POLE4: variants seen among roughly 807,000 people sequenced by gnomAD.
The protein encoded by POLE4 is DNA polymerase epsilon 4, accessory subunit.
Under a neutral mutation model 15.6 loss-of-function variants are expected in POLE4, and 15 were observed. The ratio of observed to expected loss-of-function variants is 0.96; its 90% CI spans 0.64 to 1.48. The LOEUF (loss-of-function observed/expected upper bound fraction) is 1.48, where lower values mean the gene tolerates loss of function less well. Among genes scored for constraint, POLE4 ranks in the 40% most tolerant of loss-of-function variants. The probability of loss-of-function intolerance (pLI) is 0.00; values close to 1 mark genes in which losing one functional copy is unlikely to be tolerated. For synonymous variants in POLE4, 83 were observed against 63.2 expected, an observed-to-expected ratio of 1.31 and a Z score of -1.49; for missense variants, 205 against 151.9, an observed-to-expected ratio of 1.35 and a Z score of -1.84.
chr2:74,969,090 G>A (rs561485901), intron 3 of POLE4, among the ~76,000 whole-genome samples: 13 of 152,242 alleles, frequency 8.5e-5, no homozygotes, highest in Non-Finnish European at 1.3e-4. Context: ...TAATTAGAGA[G>A]TTTACCTCAT....
Position 74,965,240 on chromosome 2 carries a change from C to T in POLE4, c.341-4169C>T, listed in dbSNP as rs140507524. ...TCTCGAGTAGCTGGGATTACAGGCT[C>T]GCACCACCACACCCCAATAATTTTT... On this transcript the variant is annotated intron_variant, in intron 3 of 3. Coordinates refer to ENST00000483063, the MANE Select transcript of POLE4 (RefSeq NM_019896.4). 1.3e-3 allele frequency among the ~76,000 whole-genome samples: 198 copies of T among 151,702 alleles called. 1 individual carries two copies. The highest frequency in any genetic ancestry group is 4.4e-3 in the African/African-American group (184 of 41,350).
intron 2 of POLE4, chr2:74,959,861 GA>G (rs1671190456): frequency 2.0e-6 from 1 of 502,802 alleles, no homozygotes; most frequent in East Asian, 3.1e-5. Context: ...GGTAATTTAG[GA>G]GGCCCCCAAC....
At chr2:74,964,847 G>T (rs1671273785) in intron 3 of POLE4, among the ~76,000 whole-genome samples, 1 of 151,372 alleles carries the variant, frequency 6.6e-6, no homozygotes, top group African/African-American at 2.4e-5. Context: ...TTTTTTTCTT[G>T]CCCTACTGAA....
chr2:74,969,461 C>G lies in POLE4; in HGVS notation c.*39C>G. 6.2e-7 allele frequency: 1 copy of G among 1,602,410 alleles called. No individual in the cohort carries two copies. Among genetic ancestry groups the G allele is most frequent in the Non-Finnish European group, 8.6e-7 (1 of 1,169,388 alleles). On this transcript the variant is annotated 3_prime_UTR_variant, in exon 4 of 4. Transcript: ENST00000483063. ...CAGTTTTGTGAGCCTTCATCTGAAG[C>G]CTTCAGTTCACCCCTCTGCACAGGC...
intron 2 of POLE4, 154 bp downstream of exon 2, chr2:74,959,579 C>T (rs1671186030): frequency 3.4e-6 from 2 of 584,074 alleles, no homozygotes; most frequent in Admixed American, 3.2e-5. Flanking sequence ...GAAGCCCTAC[C>T]TGTAGAGGCT....
intron 3 of POLE4, among the ~76,000 whole-genome samples, chr2:74,962,511 T>TC (rs1258179975): frequency 6.6e-6 from 1 of 152,192 alleles, no homozygotes; most frequent in Non-Finnish European, 1.5e-5. Context: ...CTCATTCAGG[T>TC]CCCCTCCCTG....
chr2:74,969,157 G>T (rs1015865093), intron 3 of POLE4, among the ~76,000 whole-genome samples: 1 of 151,892 alleles, frequency 6.6e-6, no homozygotes, highest in Non-Finnish European at 1.5e-5. Context: ...CTAACACAAC[G>T]ACTTCTTAGC....
chr2:74,962,424 T>G (rs1178765926), intron 3 of POLE4, among the ~76,000 whole-genome samples: 1 of 152,202 alleles, frequency 6.6e-6, no homozygotes, highest in African/African-American at 2.4e-5. Context: ...TTCCATGCTT[T>G]ATCTCTGGTT....
chr2:74,959,540 AG>A (rs1671185489), intron 2 of POLE4, 115 bp downstream of exon 2: 1 of 670,332 alleles, frequency 1.5e-6, no homozygotes, highest in African/African-American at 1.8e-5. Context: ...GTCTCTCCCC[AG>A]GATGGTTTCT....
chr2:74,961,608 C>T (rs912448870), intron 3 of POLE4: 4 of 152,188 alleles, frequency 2.6e-5, no homozygotes, highest in African/African-American at 9.7e-5. Flanking sequence ...GGAAAATAAA[C>T]TGGAGGGTAC....
chr2:74,959,294 C>T (rs776778200), intron 1 of POLE4, 47 bp from the exon 2 acceptor site: 1 of 1,270,734 alleles, frequency 7.9e-7, no homozygotes, highest in South Asian at 1.2e-5. Flanking sequence ...CTCACCTCCT[C>T]AGTGTGTTAG....
intron 3 of POLE4, among the ~76,000 whole-genome samples, chr2:74,965,566 T>C (rs200455160): frequency 6.6e-6 from 1 of 152,230 alleles, no homozygotes; most frequent in East Asian, 1.9e-4. Flanking sequence ...TTCTGTCTGC[T>C]TATTTTACCT....
chr2:74,962,255 A>G (rs186430737), intron 3 of POLE4, among the ~76,000 whole-genome samples: 63 of 152,264 alleles, frequency 4.1e-4, no homozygotes, highest in African/African-American at 1.4e-3. Flanking sequence ...GTTGTGTCCA[A>G]TTTTTAATGT....
At chr2:74,960,362 A>G in intron 3 of POLE4, 3 of 586,108 alleles carry the variant, frequency 5.1e-6, no homozygotes, top group South Asian at 4.1e-5. Context: ...GCTAACCATA[A>G]AGAAATAGGA....
intron 3 of POLE4, 26 bp from the exon 4 acceptor site, chr2:74,969,383 A>T: frequency 6.2e-7 from 1 of 1,612,418 alleles, no homozygotes; most frequent in Non-Finnish European, 8.5e-7. Flanking sequence ...GTCCCCTGAT[A>T]TACTCATTGC....
At chr2:74,959,030 A>C in intron 1 of POLE4, 138 bp downstream of exon 1, 1 of 766,492 alleles carries the variant, frequency 1.3e-6, no homozygotes, top group Non-Finnish European at 2.1e-6. Flanking sequence ...AGGCGGAGGA[A>C]AGGGGCCGGG....
At chr2:74,967,687 C>A (rs566164505) in intron 3 of POLE4, among the ~76,000 whole-genome samples, 7 of 152,246 alleles carry the variant, frequency 4.6e-5, no homozygotes, top group African/African-American at 1.7e-4. Flanking sequence ...ATATGCCTAT[C>A]TTTGGATAAT....
chr2:74,969,610 G>A lies in POLE4; in HGVS notation c.*188G>A. 2 of 645,618 alleles carry A rather than the reference G, an allele frequency of 3.1e-6. No homozygotes were observed. Among genetic ancestry groups the A allele is most frequent in the Non-Finnish European group, 5.6e-6 (2 of 356,536 alleles). 40.0% of individuals were successfully genotyped at this position (645,618 alleles called of 1,614,324 possible). A position where few individuals can be genotyped will look rare whatever the true frequency, so the allele number is the denominator to read the frequency against. On this transcript the variant is annotated 3_prime_UTR_variant, in exon 4 of 4. Transcript: ENST00000483063. Reference sequence around the variant, plus strand: ...CTCTGCAAGGTCTTCCACTATTTCTGTCTGTCTTCCATATCAAGCCTGGAT... The same window carrying A: ...CTCTGCAAGGTCTTCCACTATTTCTATCTGTCTTCCATATCAAGCCTGGAT...
At chr2:74,964,524 A>G (rs896553685) in intron 3 of POLE4, among the ~76,000 whole-genome samples, 9 of 152,034 alleles carry the variant, frequency 5.9e-5, no homozygotes, top group Non-Finnish European at 1.0e-4. Context: ...ATCTTGATGT[A>G]TTTTGTTAAA....
Sources: allele counts gnomAD v4.1 joint callset (sites outside exome capture counted in the v4.1 genomes callset), GRCh38; gene constraint gnomAD v4.1.1; transcripts MANE v1.5; gene names NCBI Gene and HGNC (gene_info 2026-07-23, HGNC 2026-07-21).